The following SLC24A2 variants were observed in gnomAD, a reference collection of about 807,000 sequenced individuals.
The protein encoded by SLC24A2 is sodium/potassium/calcium exchanger 2.
SLC24A2 carries 36 observed loss-of-function variants against 62.0 expected under a neutral mutation model. The observed-to-expected ratio is 0.58, with a 90% CI of 0.44 to 0.77. SLC24A2 has a LOEUF of 0.77. Among genes scored for constraint, SLC24A2 ranks in the 30% least tolerant of loss-of-function variants. The pLI is 0.00. For synonymous variants in SLC24A2, 358 were observed against 294.0 expected (o/e 1.22, Z -2.23); for missense variants, 846 against 817.9 (o/e 1.03, Z -0.42).
the SLC24A2 span, among the ~76,000 whole-genome samples, chr9:20,062,795 G>GA: frequency 2.3e-5 from 3 of 129,308 alleles, no homozygotes; most frequent in African/African-American, 6.2e-5. Flanking sequence ...AAATTTACAA[G>GA]AAAAAAGCAA....
the SLC24A2 span, among the ~76,000 whole-genome samples, chr9:20,055,062 A>T: frequency 6.6e-6 from 1 of 151,894 alleles, no homozygotes; most frequent in African/African-American, 2.4e-5. Flanking sequence ...ATGACAAGCA[A>T]AAAAAGGAGA....
At chr9:19,861,848 A>T in the SLC24A2 span, among the ~76,000 whole-genome samples, 3 of 152,128 alleles carry the variant, frequency 2.0e-5, no homozygotes, top group Admixed American at 2.0e-4. Flanking sequence ...CAGAAGAAAG[A>T]ACTAGTGAAC....
the SLC24A2 span, among the ~76,000 whole-genome samples, chr9:20,291,707 G>A: frequency 4.6e-5 from 7 of 152,050 alleles, no homozygotes; most frequent in Non-Finnish European, 1.0e-4. Context: ...ATAATTTGGG[G>A]ATATATTATA....
At chr9:19,661,579 G>A (rs1819102505) in intron 2 of SLC24A2, among the ~76,000 whole-genome samples, 1 of 152,164 alleles carries the variant, frequency 6.6e-6, no homozygotes, top group African/African-American at 2.4e-5. Flanking sequence ...TATCAATGTG[G>A]AGCATATCTT....
intron 2 of SLC24A2, among the ~76,000 whole-genome samples, chr9:19,693,259 A>T (rs1470998331): frequency 6.6e-6 from 1 of 152,124 alleles, no homozygotes; most frequent in Non-Finnish European, 1.5e-5. Context: ...TTGTGGCACT[A>T]TTCACAATAG....
At chr9:20,213,442 A>T in the SLC24A2 span, among the ~76,000 whole-genome samples, 1 of 152,126 alleles carries the variant, frequency 6.6e-6, no homozygotes, top group Admixed American at 6.5e-5. Context: ...TTTTTAAGAA[A>T]AACTGATACA....
intron 8 of SLC24A2, among the ~76,000 whole-genome samples, chr9:19,547,736 G>A (rs1290009941): frequency 1.3e-5 from 2 of 151,398 alleles, no homozygotes; most frequent in Admixed American, 1.3e-4. Flanking sequence ...ACCACATGAG[G>A]CCCCTTTTGG....
intron 2 of SLC24A2, among the ~76,000 whole-genome samples, chr9:19,785,474 C>T (rs902967080): frequency 6.6e-6 from 1 of 152,198 alleles, no homozygotes; most frequent in Non-Finnish European, 1.5e-5. Flanking sequence ...CTGGAAGGTA[C>T]AGCTACGGTG....
At chr9:20,049,336 G>A in the SLC24A2 span, among the ~76,000 whole-genome samples, 6 of 152,154 alleles carry the variant, frequency 3.9e-5, no homozygotes, top group Non-Finnish European at 7.4e-5. Context: ...CTGAGTGAGC[G>A]CATTAAGTTA....
At chr9:20,046,368 TCA>T in the SLC24A2 span, among the ~76,000 whole-genome samples, 1 of 152,204 alleles carries the variant, frequency 6.6e-6, no homozygotes, top group Non-Finnish European at 1.5e-5. Flanking sequence ...TGACTGTAAC[TCA>T]CAGAGTAAGG....
chr9:20,040,257 C>T, the SLC24A2 span, among the ~76,000 whole-genome samples: 6 of 152,200 alleles, frequency 3.9e-5, no homozygotes, highest in East Asian at 7.7e-4. Flanking sequence ...AATCTTGGTG[C>T]TATGTTTTGT....
chr9:20,038,773 G>T, the SLC24A2 span, among the ~76,000 whole-genome samples: 1 of 152,154 alleles, frequency 6.6e-6, no homozygotes, highest in Non-Finnish European at 1.5e-5. Flanking sequence ...TAGATTACAG[G>T]CCTGATATTA....
the SLC24A2 span, among the ~76,000 whole-genome samples, chr9:20,146,923 T>C: frequency 1.5e-3 from 221 of 152,248 alleles, 4 homozygotes; most frequent in South Asian, 0.029. Flanking sequence ...CAGGCTCTTA[T>C]GTACAACATC....
At chr9:20,172,616 C>A in the SLC24A2 span, among the ~76,000 whole-genome samples, 1 of 152,038 alleles carries the variant, frequency 6.6e-6, no homozygotes, top group Non-Finnish European at 1.5e-5. Context: ...GGATAAATTT[C>A]TGGAAAGATA....
chr9:19,562,430 G>T (rs1345770477), intron 7 of SLC24A2, among the ~76,000 whole-genome samples: 1 of 152,044 alleles, frequency 6.6e-6, no homozygotes, highest in Non-Finnish European at 1.5e-5. Context: ...ATGACAAGTG[G>T]CATTTTTACC....
At chr9:20,190,383 T>C in the SLC24A2 span, among the ~76,000 whole-genome samples, 1 of 152,324 alleles carries the variant, frequency 6.6e-6, no homozygotes, top group Admixed American at 6.5e-5. Flanking sequence ...AAACTTCAGA[T>C]AATAATTAAA....
At chr9:20,211,369 G>A in the SLC24A2 span, among the ~76,000 whole-genome samples, 1 of 152,084 alleles carries the variant, frequency 6.6e-6, no homozygotes, top group African/African-American at 2.4e-5. Context: ...AAAATTAGCT[G>A]GGTATGGTGG....
At chr9:19,682,365 C>T (rs1034288886) in intron 2 of SLC24A2, among the ~76,000 whole-genome samples, 23 of 152,012 alleles carry the variant, frequency 1.5e-4, no homozygotes, top group African/African-American at 4.3e-4. Context: ...TAAGCCCAAC[C>T]GGGAGAAACA....
chr9:19,563,601 G>A (rs1020946517), intron 7 of SLC24A2, among the ~76,000 whole-genome samples: 2 of 152,156 alleles, frequency 1.3e-5, no homozygotes, highest in African/African-American at 4.8e-5. Flanking sequence ...ATCTTCCAAA[G>A]AGGGTCTAAA....
Sources: allele counts gnomAD v4.1 joint callset (sites outside exome capture counted in the v4.1 genomes callset), GRCh38; gene constraint gnomAD v4.1.1; transcripts MANE v1.5; gene names NCBI Gene and HGNC (gene_info 2026-07-23, HGNC 2026-07-21).